The following EPHB2 variants were observed in gnomAD, a reference collection of about 807,000 sequenced individuals.
EPHB2 encodes the protein EPH receptor B2.
EPHB2 carries 18 observed loss-of-function variants against 96.4 expected under a neutral mutation model. The ratio of observed to expected loss-of-function variants is 0.19; its 90% CI spans 0.13 to 0.28. The LOEUF (loss-of-function observed/expected upper bound fraction) is 0.28, where lower values mean the gene tolerates loss of function less well. Ranked by LOEUF, EPHB2 falls within the 10% of genes least tolerant of loss-of-function variation. The pLI, the probability that EPHB2 is intolerant of heterozygous loss-of-function variation, is 1.00. For missense variants in EPHB2, 989 were observed against 1,355.4 expected, an observed-to-expected ratio of 0.73 and a Z score of 4.25; for synonymous variants, 506 against 534.1, an observed-to-expected ratio of 0.95 and a Z score of 0.72.
intron 1 of EPHB2, among the ~76,000 whole-genome samples, chr1:22,772,008 C>T (rs556510121): frequency 2.0e-5 from 3 of 152,202 alleles, no homozygotes; most frequent in African/African-American, 4.8e-5. Context: ...GGGCTGTTCC[C>T]GTCCCTGCCT....
At chr1:22,841,861 G>A (rs1282084382) in intron 3 of EPHB2, among the ~76,000 whole-genome samples, 1 of 152,178 alleles carries the variant, frequency 6.6e-6, no homozygotes, top group Non-Finnish European at 1.5e-5. Context: ...TGCATGCGGG[G>A]TACAGACAGT....
At chr1:22,727,798 A>AC (rs1557639164) in intron 1 of EPHB2, among the ~76,000 whole-genome samples, 1 of 78,516 alleles carries the variant, frequency 1.3e-5, no homozygotes, top group African/African-American at 4.0e-5. Flanking sequence ...AAAAAAAACA[A>AC]AAAAAAAAAA....
At chr1:22,837,098 G>T (rs1283779085) in intron 3 of EPHB2, among the ~76,000 whole-genome samples, 1 of 152,216 alleles carries the variant, frequency 6.6e-6, no homozygotes, top group Admixed American at 6.5e-5. Flanking sequence ...GAAGTCTGCA[G>T]ACAGGCTTGG....
At chr1:22,754,466 G>C (rs1004756324) in intron 1 of EPHB2, among the ~76,000 whole-genome samples, 1 of 152,056 alleles carries the variant, frequency 6.6e-6, no homozygotes, top group African/African-American at 2.4e-5. Flanking sequence ...GCTCCAGCCT[G>C]GTGCTCACTC....
chr1:22,891,097 A>C (rs1298667470), intron 6 of EPHB2: 1 of 456,016 alleles, frequency 2.2e-6, no homozygotes. Context: ...ACAAACTCTG[A>C]GGTAGCTACT....
chr1:22,828,807 C>T (rs1645261270), intron 3 of EPHB2, among the ~76,000 whole-genome samples: 1 of 152,132 alleles, frequency 6.6e-6, no homozygotes. Context: ...GAGGCAGGAG[C>T]TTTAGAATGT....
chr1:22,819,630 A>C (rs185325499), intron 3 of EPHB2, among the ~76,000 whole-genome samples: 99 of 152,192 alleles, frequency 6.5e-4, no homozygotes, highest in African/African-American at 1.8e-3. Context: ...ACTCAGCCTG[A>C]CAGATCTTGA....
At chr1:22,779,315 C>T (rs945154421) in intron 1 of EPHB2, among the ~76,000 whole-genome samples, 3 of 152,196 alleles carry the variant, frequency 2.0e-5, no homozygotes, top group Non-Finnish European at 2.9e-5. Context: ...CCCCACACCC[C>T]CTCCCTGTGC....
rs1484357144 is a variant in EPHB2 at position 22,846,216 on chromosome 1, G to A, written c.812-16821G>A. Among the ~76,000 whole-genome samples the A allele has an allele frequency of 6.6e-6, 1 of 152,096 alleles. No homozygotes were observed. Among genetic ancestry groups the A allele is most frequent in the Non-Finnish European group, 1.5e-5 (1 of 68,028 alleles). On this transcript the variant is annotated intron_variant, in intron 3 of 15. Transcript: ENST00000374630. This position sits in a 1 kb window ranked among gnomAD's most constrained non-coding sequence, Gnocchi z 4.3. ...GGCGGATCTCTTGGGTCAGGAGTTC[G>A]AGACCAGCCTGGCCAACATGGTGAA...
intron 3 of EPHB2, among the ~76,000 whole-genome samples, chr1:22,811,155 T>A (rs1298785221): frequency 6.6e-6 from 1 of 152,148 alleles, no homozygotes; most frequent in Non-Finnish European, 1.5e-5. Flanking sequence ...CATGTGTGTA[T>A]GAGAATCTCC....
At chr1:22,900,462 T>G (rs533204983) in intron 9 of EPHB2, among the ~76,000 whole-genome samples, 1 of 152,296 alleles carries the variant, frequency 6.6e-6, no homozygotes, top group African/African-American at 2.4e-5. Context: ...AATTTCTCAC[T>G]TTGAATAGGG....
chr1:22,758,143 C>T (rs369048262), intron 1 of EPHB2, among the ~76,000 whole-genome samples: 1 of 146,930 alleles, frequency 6.8e-6, no homozygotes, highest in South Asian at 2.3e-4. Context: ...TGGTCTCAAT[C>T]TCCTGACCTC....
intron 1 of EPHB2, among the ~76,000 whole-genome samples, chr1:22,740,852 G>A (rs147311294): frequency 4.0e-5 from 6 of 151,898 alleles, no homozygotes; most frequent in African/African-American, 1.2e-4. Flanking sequence ...TTCAGCTTTC[G>A]GAGTGTCATT....
At position 22,770,187 on chromosome 1, in the gene EPHB2, G is replaced by A. The variant is rs998724670; in HGVS notation, c.62-11234G>A. On this transcript the variant is annotated intron_variant, in intron 1 of 15. Transcript: ENST00000374630. ...GATGGATAAGCGTATAGATGTGTGC[G>A]GATGGGTAAATAGGTAGGTGGGTGA... Among the ~76,000 whole-genome samples, 10 of 152,202 alleles carry A rather than the reference G, an allele frequency of 6.6e-5. No homozygotes were observed. In the South Asian group the frequency reaches 1.0e-3, roughly 16 times the overall value.
intron 3 of EPHB2, among the ~76,000 whole-genome samples, chr1:22,819,376 A>G (rs1409513119): frequency 2.6e-5 from 4 of 151,900 alleles, no homozygotes; most frequent in Non-Finnish European, 5.9e-5. Context: ...TCTTGTGAAG[A>G]CTGAGGTCTT....
chr1:22,799,090 T>G (rs1406746721), intron 3 of EPHB2, among the ~76,000 whole-genome samples: 3 of 152,090 alleles, frequency 2.0e-5, no homozygotes, highest in Non-Finnish European at 4.4e-5. Flanking sequence ...CAGGAGCAGC[T>G]CACAAAGTCA....
chr1:22,720,399 C>G (rs1439945245), intron 1 of EPHB2, among the ~76,000 whole-genome samples: 1 of 152,194 alleles, frequency 6.6e-6, no homozygotes, highest in Non-Finnish European at 1.5e-5. Context: ...TCCAGCGTCC[C>G]ACTCAACATG....
At chr1:22,808,396 A>G (rs575347340) in intron 3 of EPHB2, among the ~76,000 whole-genome samples, 3 of 152,334 alleles carry the variant, frequency 2.0e-5, no homozygotes, top group African/African-American at 7.2e-5. Context: ...AAATGTCCCA[A>G]TGATGGCAAG....
At chr1:22,907,053 A>G in intron 11 of EPHB2, 96 bp downstream of exon 11, 2 of 1,463,138 alleles carry the variant, frequency 1.4e-6, no homozygotes, top group Non-Finnish European at 1.8e-6. Context: ...GGGGTCTTGG[A>G]AAAGCTCTAG....
Sources: gnomAD v4.1 joint callset for allele counts (sites outside exome capture counted in the v4.1 genomes callset) on GRCh38, gnomAD v4.1.1 for gene constraint, Gnocchi (gnomAD v3.1) non-coding constraint, MANE v1.5 for transcripts, NCBI Gene and HGNC (gene_info 2026-07-23, HGNC 2026-07-21) for gene names.